SYT2: variants seen among roughly 807,000 people sequenced by gnomAD.
SYT2 encodes synaptotagmin-2.
A neutral mutation model predicts 39.9 loss-of-function variants in SYT2; 15 were observed. That is an observed-to-expected ratio of 0.38 (90% confidence interval 0.25 to 0.58). The LOEUF is 0.58. Ranked by LOEUF, SYT2 falls within the 20% of genes least tolerant of loss-of-function variation. The pLI is 0.70. For missense variants in SYT2, 389 were observed against 530.3 expected, an observed-to-expected ratio of 0.73 and a Z score of 2.62; for synonymous variants, 181 against 204.5, an observed-to-expected ratio of 0.89 and a Z score of 0.98.
chr1:202,632,652 A>G (rs1691626729), intron 1 of SYT2: 12 of 931,576 alleles, frequency 1.3e-5, no homozygotes, highest in Non-Finnish European at 1.5e-5. Context: ...GAAGACACAG[A>G]GACACAGACC....
chr1:202,639,359 T>C, intron 1 of SYT2: 1 of 257,392 alleles, frequency 3.9e-6, no homozygotes, highest in Non-Finnish European at 6.1e-6. Context: ...GCTTGGTGCT[T>C]AACAGGGAGG....
chr1:202,600,489 AGC>A lies in SYT2; in HGVS notation c.802-17_802-16del. 6.2e-7 allele frequency: 1 copy of A among 1,613,110 alleles called. No individual in the cohort carries two copies. The highest frequency in any genetic ancestry group is 1.1e-5 in the South Asian group (1 of 91,064). On this transcript the variant is annotated splice_polypyrimidine_tract_variant and intron_variant, in intron 6 of 8. Transcript: ENST00000367268. The stretch of plus-strand genomic sequence containing the variant: ...AGCTTCTCCGGCTGTCCAGGGGAAG[AGC>A]AGGACTTGGGTCATCTCACCCATCC...
At chr1:202,693,994 T>A (rs868711311) in intron 1 of SYT2, among the ~76,000 whole-genome samples, 7 of 152,152 alleles carry the variant, frequency 4.6e-5, no homozygotes, top group Admixed American at 3.3e-4. Context: ...TGCCACACAC[T>A]TTTAAACATC....
intron 1 of SYT2, among the ~76,000 whole-genome samples, chr1:202,657,393 A>C (rs1471858402): frequency 1.3e-5 from 2 of 152,090 alleles, no homozygotes; most frequent in African/African-American, 4.8e-5. Context: ...TCTGAAGTCC[A>C]TTTCCCTGGG....
chr1:202,619,086 C>T (rs1484341525), intron 1 of SYT2, among the ~76,000 whole-genome samples: 1 of 152,176 alleles, frequency 6.6e-6, no homozygotes, highest in Non-Finnish European at 1.5e-5. Flanking sequence ...GACTATTTCC[C>T]CCACTCTAGG....
At chr1:202,679,105 CCCCTCCTACTGCTCCTT>C (rs953176413) in intron 1 of SYT2, among the ~76,000 whole-genome samples, 24 of 152,198 alleles carry the variant, frequency 1.6e-4, no homozygotes, top group African/African-American at 5.5e-4. Flanking sequence ...ATCTCTCACT[CCCCTCCTACTGCTCCTT>C]CCCTCCGCTC....
At chr1:202,605,830 G>A (rs1690687202) in intron 1 of SYT2, 41 bp from the exon 2 acceptor site, 2 of 1,531,506 alleles carry the variant, frequency 1.3e-6, no homozygotes, top group Non-Finnish European at 1.8e-6. Flanking sequence ...AGCATCCAGA[G>A]GTCGTCTTAC....
chr1:202,650,467 G>C (rs1198338532), intron 1 of SYT2, among the ~76,000 whole-genome samples: 1 of 138,192 alleles, frequency 7.2e-6, no homozygotes, highest in Non-Finnish European at 1.5e-5. Context: ...ACATAGTTTC[G>C]CTCTGTCACC....
chr1:202,597,205 C>T (rs912405815), intron 8 of SYT2, among the ~76,000 whole-genome samples: 25 of 152,158 alleles, frequency 1.6e-4, no homozygotes, highest in African/African-American at 6.0e-4. Context: ...CCCTGTTAAG[C>T]ACTTGGAGGG....
At chr1:202,679,490 C>T (rs2149112245) in intron 1 of SYT2, among the ~76,000 whole-genome samples, 1 of 152,320 alleles carries the variant, frequency 6.6e-6, no homozygotes, top group African/African-American at 2.4e-5. Flanking sequence ...TAGAAATCAT[C>T]ACAGAGCTTC....
intron 1 of SYT2, among the ~76,000 whole-genome samples, chr1:202,699,010 CTTTT>C (rs5780118): frequency 5.1e-5 from 5 of 97,942 alleles, no homozygotes; most frequent in South Asian, 4.1e-4. Flanking sequence ...ACCAAACTGT[CTTTT>C]TTTTTTTTTT....
chr1:202,624,235 AGT>A (rs199958755), intron 1 of SYT2, among the ~76,000 whole-genome samples: 15,830 of 146,842 alleles, frequency 0.11, 1,448 homozygotes, highest in African/African-American at 0.25. Context: ...CTGTATGTGT[AGT>A]GTGTGTGATG....
In SYT2 at chr1:202,592,084, G is replaced by A. The variant is rs956569272; in HGVS notation, c.*4673C>T. ...TGGGGAGCCAGTTGGAGAGACATGGGGGCTCCTGGGAGGAGCCAAGGGAGG... is the reference window on the plus strand; with the variant it reads ...TGGGGAGCCAGTTGGAGAGACATGGAGGCTCCTGGGAGGAGCCAAGGGAGG... On this transcript the variant is annotated 3_prime_UTR_variant, in exon 9 of 9. Transcript: ENST00000367268. 1.3e-5 allele frequency: 2 copies of A among 152,722 alleles called. No individual in the cohort carries two copies. The highest frequency in any genetic ancestry group is 2.9e-5 in the Non-Finnish European group (2 of 68,108). The allele number at this position is 152,722 out of a possible 1,614,324, so 9.5% of individuals were successfully genotyped here. A position where few individuals can be genotyped will look rare whatever the true frequency, so the allele number is the denominator to read the frequency against.
At chr1:202,674,584 ACT>A (rs1328886881) in intron 1 of SYT2, among the ~76,000 whole-genome samples, 4 of 152,138 alleles carry the variant, frequency 2.6e-5, no homozygotes, top group African/African-American at 9.7e-5. Context: ...GTGTTCAATC[ACT>A]CATCCATATC....
intron 1 of SYT2, chr1:202,627,440 C>T: frequency 1.0e-6 from 1 of 985,376 alleles, no homozygotes; most frequent in Non-Finnish European, 1.2e-6. Flanking sequence ...AAGAGAAACC[C>T]CAAAGCCAAA....
chr1:202,607,881 C>CT (rs34654342), intron 1 of SYT2, among the ~76,000 whole-genome samples: 10,468 of 150,574 alleles, frequency 0.07, 860 homozygotes, highest in East Asian at 0.37. Context: ...GCTCTGTGAC[C>CT]TTTTTTTTTT....
In SYT2 at chr1:202,599,045, T is replaced by A. The variant is rs543322457; in HGVS notation, c.1053+173A>T. ...TGTTTATCTCCTCAGAAAAGGGGGA[T>A]CCCTGAAGCACTTGGGAAGGAGGCC... On this transcript the variant is annotated intron_variant, in intron 8 of 8. Coordinates refer to ENST00000367268, the MANE Select transcript of SYT2 (RefSeq NM_177402.5). The surrounding 1 kb of genome is among the most constrained non-coding windows in gnomAD (Gnocchi z 4.4). 6.6e-6 allele frequency among the ~76,000 whole-genome samples: 1 copy of A among 152,136 alleles called. No individual in the cohort carries two copies. The highest frequency in any genetic ancestry group is 1.5e-5 in the Non-Finnish European group (1 of 68,024).
intron 8 of SYT2, among the ~76,000 whole-genome samples, chr1:202,598,705 C>A (rs1013244530): frequency 6.6e-6 from 1 of 152,186 alleles, no homozygotes; most frequent in Non-Finnish European, 1.5e-5. Context: ...AAAACCAGAC[C>A]TCATCTCCAA....
intron 1 of SYT2, among the ~76,000 whole-genome samples, chr1:202,617,095 TC>T (rs1691063860): frequency 6.6e-6 from 1 of 152,136 alleles, no homozygotes; most frequent in Admixed American, 6.5e-5. Context: ...ACCTCAGCTT[TC>T]CCTCCCTGGG....
Sources: gnomAD v4.1 joint callset for allele counts (sites outside exome capture counted in the v4.1 genomes callset) on GRCh38, gnomAD v4.1.1 for gene constraint, Gnocchi (gnomAD v3.1) non-coding constraint, MANE v1.5 for transcripts, NCBI Gene and HGNC (gene_info 2026-07-23, HGNC 2026-07-21) for gene names.